COG1: variants seen among roughly 807,000 people sequenced by gnomAD.
COG1 encodes conserved oligomeric Golgi complex subunit 1.
COG1 carries 61 observed loss-of-function variants against 102.2 expected under a neutral mutation model. The observed-to-expected ratio is 0.60, with a 90% CI of 0.49 to 0.74. COG1 has a LOEUF of 0.74. Among genes scored for constraint, COG1 ranks in the 30% least tolerant of loss-of-function variants. COG1 has a pLI of 0.00. For synonymous variants in COG1, 454 were observed against 493.6 expected (o/e 0.92, Z 1.06); for missense variants, 1,164 against 1,232.1 (o/e 0.94, Z 0.83).
chr17:73,204,008 A>G (rs1411639777), intron 9 of COG1, among the ~76,000 whole-genome samples: 1 of 152,110 alleles, frequency 6.6e-6, no homozygotes, highest in Non-Finnish European at 1.5e-5. Flanking sequence ...GATCTTCGCT[A>G]AGAAGGCAGC....
At chr17:73,206,300 C>CAT in intron 11 of COG1, 38 bp downstream of exon 11, 1 of 1,481,782 alleles carries the variant, frequency 6.7e-7, no homozygotes, top group Non-Finnish European at 9.4e-7. Context: ...GCGAACGAAG[C>CAT]GATACAGGCT....
At position 73,197,219 on chromosome 17, in the gene COG1, C is replaced by T; in HGVS notation, c.743-7C>T. 2 of 1,614,208 alleles carry T rather than the reference C, an allele frequency of 1.2e-6. No individual in the cohort carries two copies. Among genetic ancestry groups the T allele is most frequent in the Non-Finnish European group, 1.7e-6 (2 of 1,180,036 alleles). On this transcript the variant is annotated splice_polypyrimidine_tract_variant and splice_region_variant and intron_variant, in intron 3 of 13. Transcript: ENST00000299886. Reference sequence around the variant, plus strand: ...ATTGTTTCAAAGAGGATGGTTTCTTCTTTTAGGTGCTGGTATCAAGGCTCA... The same window carrying T: ...ATTGTTTCAAAGAGGATGGTTTCTTTTTTTAGGTGCTGGTATCAAGGCTCA...
intron 1 of COG1, among the ~76,000 whole-genome samples, chr17:73,196,251 T>C (rs1305242931): frequency 6.6e-6 from 1 of 152,122 alleles, no homozygotes; most frequent in African/African-American, 2.4e-5. Context: ...TGGGGCCTGG[T>C]GGGAGACGAA....
In COG1 at chr17:73,203,787, G is replaced by A. The variant is rs567735342; in HGVS notation, c.2376G>A (p.Gln792=). The A allele has an allele frequency of 4.3e-6, 7 of 1,614,200 alleles. No homozygotes were observed. The Admixed American group carries it at 1.0e-4, about 23-fold the overall frequency. The change falls in exon 9 of 14, where the codon CAG becomes CAA. Residue 792 remains glutamine (Q), a synonymous_variant. Coordinates refer to ENST00000299886, the MANE Select transcript of COG1 (RefSeq NM_018714.3). Reference sequence around the variant, plus strand: ...ATGAGAAACTCTCCGAAGAAAAACAGATTAAGGTAGGTGTCTGAATGTTTG... The same window carrying A: ...ATGAGAAACTCTCCGAAGAAAAACAAATTAAGGTAGGTGTCTGAATGTTTG... ...AAYEKLSEEK[Q]IKKEGAFPVT...
At chr17:73,205,502 A>G (rs775590308) in intron 9 of COG1, 51 bp from the exon 10 acceptor site, 1 of 1,607,732 alleles carries the variant, frequency 6.2e-7, no homozygotes, top group South Asian at 1.1e-5. Context: ...TATTACGCTC[A>G]CATACCAAGT....
At position 73,200,635 on chromosome 17, in the gene COG1, G is replaced by C. The variant is rs775588977; in HGVS notation, c.1140G>C (p.Ala380=). The C allele has an allele frequency of 1.2e-6, 2 of 1,614,138 alleles. No individual in the cohort carries two copies. Among genetic ancestry groups the C allele is most frequent in the Non-Finnish European group, 1.7e-6 (2 of 1,180,022 alleles). ...ACGTGAAGAGCATGAAGGGTCTCGC[G>C]GGAATCCGGGACGCCATGTGGGAGT... ...LMYVKSMKGL[A]GIRDAMWELL... The change falls in exon 6 of 14, where the codon GCG becomes GCC. Residue 380 remains alanine, a synonymous_variant. Transcript: ENST00000299886.
chr17:73,200,468 CAGATA>C (rs1198101434), intron 5 of COG1, 93 bp from the exon 6 acceptor site: 1 of 1,042,952 alleles, frequency 9.6e-7, no homozygotes, highest in Non-Finnish European at 1.5e-6. Flanking sequence ...TACTGGAACT[CAGATA>C]AGAGATTGTC....
intron 1 of COG1, among the ~76,000 whole-genome samples, chr17:73,196,094 C>A (rs1038514931): frequency 1.3e-5 from 2 of 152,192 alleles, no homozygotes; most frequent in Non-Finnish European, 2.9e-5. Flanking sequence ...CTGGTGAGGG[C>A]CTTCTTGCTG....
At chr17:73,196,205 C>T (rs1325132935) in intron 1 of COG1, among the ~76,000 whole-genome samples, 1 of 152,140 alleles carries the variant, frequency 6.6e-6, no homozygotes, top group Non-Finnish European at 1.5e-5. Flanking sequence ...GTCTTGCCCA[C>T]ATCTCATGTT....
chr17:73,205,313 C>G, intron 9 of COG1: 1 of 514,286 alleles, frequency 1.9e-6, no homozygotes, highest in South Asian at 2.1e-5. Context: ...CAACCATTTA[C>G]AGCATCTGAG....
intron 1 of COG1, 68 bp from the exon 2 acceptor site, chr17:73,196,439 T>C (rs778360614): frequency 1.9e-6 from 3 of 1,612,450 alleles, no homozygotes; most frequent in East Asian, 4.5e-5. Context: ...GATTTCTTCC[T>C]AAGCCTACAG....
In COG1 at chr17:73,201,094, C is replaced by G. The variant is rs1008905656; in HGVS notation, c.1282-15C>G. ...AAGGAACTGTGATTAGAACTCTTCT[C>G]TCATTCTCTTTTAGACTCTGACAAA... On this transcript the variant is annotated splice_polypyrimidine_tract_variant and intron_variant, in intron 6 of 13. Coordinates refer to ENST00000299886, the MANE Select transcript of COG1 (RefSeq NM_018714.3). 2.5e-6 allele frequency: 4 copies of G among 1,610,820 alleles called. No individual in the cohort carries two copies. Among genetic ancestry groups the G allele is most frequent in the Non-Finnish European group, 3.4e-6 (4 of 1,177,278 alleles).
chr17:73,201,170 C>G lies in COG1; in HGVS notation c.1343C>G (p.Ala448Gly). The change falls in exon 7 of 14, where the codon GCT becomes GGT. Residue 448 changes from alanine to glycine, a missense_variant. Physicochemically the swap from Ala to Gly is moderately conservative, Grantham distance 60. Coordinates refer to ENST00000299886, the MANE Select transcript of COG1 (RefSeq NM_018714.3). ...SSSSKELLVS[A>G]LQELESSTSN... is the part of the protein sequence containing the mutation. ...AGCTCCAAGGAGCTCTTGGTTTCAG[C>G]TTTGCAGGAACTTGAAAGCAGCACC... The G allele has an allele frequency of 6.2e-7, 1 of 1,614,204 alleles. No individual in the cohort carries two copies.
intron 7 of COG1, among the ~76,000 whole-genome samples, chr17:73,202,771 G>A (rs2061352302): frequency 6.6e-6 from 1 of 152,128 alleles, no homozygotes; most frequent in South Asian, 2.1e-4. Flanking sequence ...TGGGAGAAGG[G>A]CAAGACCCTG....
rs2061326361 is a variant in COG1, at chr17:73,196,670, A to C, written c.479A>C (p.Asp160Ala). 1.2e-6 allele frequency: 2 copies of C among 1,614,176 alleles called. No homozygotes were observed. The highest frequency in any genetic ancestry group is 1.3e-5 in the African/African-American group (1 of 75,042). ...CACCTCCACAGCCTGCTCCAGCTGG[A>C]TTCTTCTAGTTCCCGATACAGTCCC... ...CCHLHSLLQL[D>A]SSSSRYSPVL... The change falls in exon 2 of 14, where the codon GAT (aspartate) becomes GCT (alanine). Residue 160 changes from aspartate to alanine, a missense_variant. Asp to Ala is a moderately radical substitution (Grantham distance 126, BLOSUM62 -2). Transcript: ENST00000299886.
In COG1 at chr17:73,196,524, G is replaced by A. The variant is rs1052706; in HGVS notation, c.333G>A (p.Gln111=). Reference sequence around the variant, plus strand: ...CCCTGCAGCCACAGCAGCCATCCCAGGAGAAGTTCTACAGCATGGCTGCCC... The same window carrying A: ...CCCTGCAGCCACAGCAGCCATCCCAAGAGAAGTTCTACAGCATGGCTGCCC... The part of the protein sequence containing the change: ...PRAQQPQQPS[Q]EKFYSMAAQI... The change falls in exon 2 of 14, where the codon CAG becomes CAA. Residue 111 remains glutamine (Q), a synonymous_variant. Transcript: ENST00000299886. 824,770 of 1,613,854 alleles carry A rather than the reference G, an allele frequency of 0.51. 214,320 individuals are homozygous for A. Among genetic ancestry groups the A allele is most frequent in the East Asian group, 0.62 (27,697 of 44,848 alleles).
At position 73,197,317 on chromosome 17, in the gene COG1, A is replaced by G; in HGVS notation, c.834A>G (p.Glu278=). ...QAHALFYTLP[E]GLLPDPALPC... Reference sequence around the variant, plus strand: ...ATGCCCTTTTCTACACTTTGCCAGAAGGACTGCTGCCAGATCCAGCCCTGC... The same window carrying G: ...ATGCCCTTTTCTACACTTTGCCAGAGGGACTGCTGCCAGATCCAGCCCTGC... Residue 278 remains glutamate, a synonymous_variant, in exon 4 of 14, where the codon GAA becomes GAG. Coordinates refer to ENST00000299886, the MANE Select transcript of COG1 (RefSeq NM_018714.3). The G allele has an allele frequency of 6.2e-7, 1 of 1,614,248 alleles. No homozygotes were observed. Among genetic ancestry groups the G allele is most frequent in the East Asian group, 2.2e-5 (1 of 44,888 alleles).
At chr17:73,202,818 G>C (rs1413031743) in intron 7 of COG1, 182 bp from the exon 8 acceptor site, 7 of 682,898 alleles carry the variant, frequency 1.0e-5, no homozygotes, top group Non-Finnish European at 1.8e-5. Context: ...ACATTTATAG[G>C]GTAGTTAGCA....
chr17:73,196,800 C>T (rs781440597), intron 2 of COG1, 49 bp downstream of exon 2: 4 of 1,613,918 alleles, frequency 2.5e-6, no homozygotes, highest in Non-Finnish European at 3.4e-6. Flanking sequence ...CCAGGCTTCA[C>T]ATTACGGGTT....
Sources: gnomAD v4.1 joint callset for allele counts (sites outside exome capture counted in the v4.1 genomes callset) on GRCh38, gnomAD v4.1.1 for gene constraint, MANE v1.5 for transcripts, NCBI Gene and HGNC (gene_info 2026-07-23, HGNC 2026-07-21) for gene names.